Variants in CNTNAP2 observed in about 807,000 individuals in gnomAD.
The protein encoded by CNTNAP2 is contactin associated protein 2.
CNTNAP2 carries 98 observed loss-of-function variants against 155.2 expected under a neutral mutation model. That is an observed-to-expected ratio of 0.63 (90% confidence interval 0.54 to 0.75). The LOEUF (loss-of-function observed/expected upper bound fraction) is 0.75. Among genes scored for constraint, CNTNAP2 ranks in the 30% least tolerant of loss-of-function variants. The pLI is 0.00. For missense variants in CNTNAP2, 1,727 were observed against 1,688.1 expected (o/e 1.02, Z -0.40); for synonymous variants, 651 against 631.2 (o/e 1.03, Z -0.47).
intron 17 of CNTNAP2, among the ~76,000 whole-genome samples, chr7:148,167,937 T>A (rs773298154): frequency 2.0e-5 from 3 of 152,216 alleles, no homozygotes; most frequent in African/African-American, 7.2e-5. Context: ...TAAGTATCCA[T>A]GAATAGATCT....
intron 1 of CNTNAP2, among the ~76,000 whole-genome samples, chr7:146,145,190 C>G (rs1267345740): frequency 6.6e-6 from 1 of 152,178 alleles, no homozygotes; most frequent in South Asian, 2.1e-4. Context: ...ACAGCTCTAT[C>G]CCCCGTGTCC....
At chr7:146,559,405 T>G (rs1180629819) in intron 1 of CNTNAP2, among the ~76,000 whole-genome samples, 2 of 151,944 alleles carry the variant, frequency 1.3e-5, no homozygotes, top group Non-Finnish European at 2.9e-5. Flanking sequence ...TCGTCTGTAC[T>G]AAAAATATAA....
chr7:146,560,330 T>C (rs776048376), intron 1 of CNTNAP2, among the ~76,000 whole-genome samples: 6 of 152,092 alleles, frequency 3.9e-5, no homozygotes, highest in Non-Finnish European at 8.8e-5. Context: ...AAAAGCCAGG[T>C]TATTTATTAT....
At chr7:147,220,219 A>G (rs1215975980) in intron 8 of CNTNAP2, among the ~76,000 whole-genome samples, 1 of 152,134 alleles carries the variant, frequency 6.6e-6, no homozygotes, top group Non-Finnish European at 1.5e-5. Flanking sequence ...CTTTATCAAT[A>G]TGAGATTTTC....
chr7:146,389,991 G>C (rs962101945), intron 1 of CNTNAP2, among the ~76,000 whole-genome samples: 2 of 151,928 alleles, frequency 1.3e-5, no homozygotes, highest in African/African-American at 2.4e-5. Flanking sequence ...GTGAGCCATA[G>C]AGCCCAGCCC....
intron 2 of CNTNAP2, among the ~76,000 whole-genome samples, chr7:146,821,555 T>G (rs1341660248): frequency 5.9e-5 from 9 of 151,916 alleles, no homozygotes; most frequent in Non-Finnish European, 1.0e-4. Context: ...TGGGAGAAAA[T>G]GTTCGCAACC....
chr7:146,635,037 T>G (rs1799574812), intron 1 of CNTNAP2, among the ~76,000 whole-genome samples: 1 of 152,162 alleles, frequency 6.6e-6, no homozygotes, highest in African/African-American at 2.4e-5. Context: ...GAAATTACTT[T>G]GCAAAGAATG....
chr7:147,304,153 T>C (rs1190404644), intron 9 of CNTNAP2, among the ~76,000 whole-genome samples: 1 of 152,230 alleles, frequency 6.6e-6, no homozygotes, highest in African/African-American at 2.4e-5. Flanking sequence ...CGGCAAAGTC[T>C]TAGTCCTCCT....
chr7:148,112,190 G>C (rs957439920), intron 15 of CNTNAP2, among the ~76,000 whole-genome samples: 2 of 152,086 alleles, frequency 1.3e-5, no homozygotes, highest in African/African-American at 2.4e-5. Flanking sequence ...GAGAGAATTC[G>C]TGGCAGATAC....
chr7:147,165,674 T>C (rs953802459), intron 8 of CNTNAP2, among the ~76,000 whole-genome samples: 10 of 152,262 alleles, frequency 6.6e-5, no homozygotes, highest in African/African-American at 2.4e-4. Context: ...AAGGTTCAGT[T>C]TCATTCTTCT....
intron 21 of CNTNAP2, among the ~76,000 whole-genome samples, chr7:148,271,225 G>A (rs1270433481): frequency 6.6e-6 from 1 of 152,178 alleles, no homozygotes; most frequent in Non-Finnish European, 1.5e-5. Flanking sequence ...ATAGAATAAG[G>A]AGCTAAGGCT....
chr7:146,830,719 A>G (rs1237515312), intron 2 of CNTNAP2, among the ~76,000 whole-genome samples: 2 of 152,216 alleles, frequency 1.3e-5, no homozygotes, highest in African/African-American at 4.8e-5. Context: ...GTTTCCAGCC[A>G]GTGAAAAACA....
intron 14 of CNTNAP2, among the ~76,000 whole-genome samples, chr7:147,974,219 A>G (rs992691004): frequency 1.1e-4 from 16 of 152,236 alleles, no homozygotes; most frequent in Non-Finnish European, 2.2e-4. Flanking sequence ...ATACAATTAC[A>G]TAATAATTGG....
intron 18 of CNTNAP2, among the ~76,000 whole-genome samples, chr7:148,197,657 C>A (rs985561428): frequency 6.6e-6 from 1 of 152,130 alleles, no homozygotes; most frequent in African/African-American, 2.4e-5. Flanking sequence ...CCCACACATA[C>A]ACAAAGAAAA....
intron 1 of CNTNAP2, among the ~76,000 whole-genome samples, chr7:146,734,264 G>A (rs1801573854): frequency 6.6e-6 from 1 of 152,046 alleles, no homozygotes; most frequent in South Asian, 2.1e-4. Flanking sequence ...GCTGGGTATA[G>A]AGCTATATAT....
chr7:148,082,710 C>T (rs1250424296), intron 15 of CNTNAP2, among the ~76,000 whole-genome samples: 1 of 152,026 alleles, frequency 6.6e-6, no homozygotes, highest in Non-Finnish European at 1.5e-5. Flanking sequence ...GACAGAGTCT[C>T]ACTCTGTCAC....
chr7:146,655,431 AAAAG>A (rs1563174633), intron 1 of CNTNAP2, among the ~76,000 whole-genome samples: 6 of 151,114 alleles, frequency 4.0e-5, no homozygotes, highest in East Asian at 3.9e-4. Context: ...AAAAAAAAAA[AAAAG>A]AAAGAAAAAT....
chr7:146,964,535 G>A (rs577748284), intron 3 of CNTNAP2, among the ~76,000 whole-genome samples: 1 of 152,262 alleles, frequency 6.6e-6, no homozygotes, highest in South Asian at 2.1e-4. Flanking sequence ...GTGATATTAA[G>A]ATAAAATATA....
At chr7:146,308,113 A>G (rs1464380663) in intron 1 of CNTNAP2, among the ~76,000 whole-genome samples, 1 of 152,212 alleles carries the variant, frequency 6.6e-6, no homozygotes, top group African/African-American at 2.4e-5. Context: ...TCTACAAAGA[A>G]CTTAACAAAT....
Sources: gnomAD v4.1 joint callset for allele counts (sites outside exome capture counted in the v4.1 genomes callset) on GRCh38, gnomAD v4.1.1 for gene constraint, MANE v1.5 for transcripts, NCBI Gene and HGNC (gene_info 2026-07-23, HGNC 2026-07-21) for gene names.